P2RX5: variants seen among roughly 807,000 people sequenced by gnomAD.
P2RX5 encodes purinergic receptor P2X 5.
A neutral mutation model predicts 54.1 loss-of-function variants in P2RX5; 46 were observed. That is an observed-to-expected ratio of 0.85 (90% CI 0.67 to 1.09). The LOEUF is 1.09. Ranked by LOEUF, P2RX5 falls within the 50% of genes least tolerant of loss-of-function variation. The pLI, the probability that P2RX5 is intolerant of heterozygous loss-of-function variation, is 0.00. For missense variants in P2RX5, 566 were observed against 549.8 expected (o/e 1.03, Z -0.29); for synonymous variants, 226 against 226.4 (o/e 1.00, Z 0.02).
At chr17:3,695,470 G>T (rs946355157) in intron 1 of P2RX5, among the ~76,000 whole-genome samples, 2 of 152,080 alleles carry the variant, frequency 1.3e-5, no homozygotes, top group African/African-American at 4.8e-5. Flanking sequence ...CCGGCGCCTG[G>T]GTCAGCTGCC....
the P2RX5 span, chr17:3,720,353 T>C: frequency 6.3e-7 from 1 of 1,590,738 alleles, no homozygotes; most frequent in Non-Finnish European, 8.6e-7. Flanking sequence ...TAGAGATTTG[T>C]TGAAAGATAT....
At chr17:3,674,004 T>TC (rs1359409064) in intron 11 of P2RX5, 127 bp from the exon 12 acceptor site, 7 of 937,272 alleles carry the variant, frequency 7.5e-6, no homozygotes, top group Non-Finnish European at 1.2e-5. Flanking sequence ...GCTTCACTTC[T>TC]CCCCATTTAA....
In P2RX5 at chr17:3,681,841, A is replaced by G. The variant is rs368454045; in HGVS notation, c.1064+55T>C. ...CACATCAGGGCAAAGGCTCGAAGCC[A>G]CGGGGGTGCTCCACAGGGCTGCCCT... On this transcript the variant is annotated intron_variant, in intron 10 of 11. Coordinates refer to ENST00000225328, the MANE Select transcript of P2RX5 (RefSeq NM_002561.4). The G allele has an allele frequency of 2.4e-3, 2,882 of 1,194,560 alleles. 8 individuals are homozygous for G. Among genetic ancestry groups the G allele is most frequent in the Non-Finnish European group, 3.0e-3 (2,410 of 799,786 alleles). The allele number at this position is 1,194,560 out of a possible 1,614,324, so 74.0% of individuals were successfully genotyped here. A position where few individuals can be genotyped will look rare whatever the true frequency, so the allele number is the denominator to read the frequency against.
upstream of P2RX5, among the ~76,000 whole-genome samples, chr17:3,696,647 C>G (rs1025318539): frequency 6.6e-6 from 1 of 152,042 alleles, no homozygotes; most frequent in African/African-American, 2.4e-5. Context: ...ACCATGTTGG[C>G]CAGGCTGGTC....
chr17:3,721,391 C>A, the P2RX5 span, among the ~76,000 whole-genome samples: 1 of 149,926 alleles, frequency 6.7e-6, no homozygotes, highest in East Asian at 2.0e-4. Context: ...CCTGCCTCAG[C>A]CTCCCAAGTA....
At chr17:3,723,806 T>C in the P2RX5 span, 1 of 1,587,536 alleles carries the variant, frequency 6.3e-7, no homozygotes, top group Non-Finnish European at 8.6e-7. Context: ...TTCCGTCCCG[T>C]CCCGGCCCCG....
chr17:3,689,226 C>A (rs952689997), intron 7 of P2RX5, among the ~76,000 whole-genome samples: 1 of 150,246 alleles, frequency 6.7e-6, no homozygotes, highest in African/African-American at 2.4e-5. Flanking sequence ...CACCCTCGCC[C>A]GCTGCCACGG....
chr17:3,715,521 C>A, the P2RX5 span, among the ~76,000 whole-genome samples: 7 of 151,780 alleles, frequency 4.6e-5, no homozygotes, highest in Non-Finnish European at 1.0e-4. Flanking sequence ...CCTACGCGTA[C>A]GCAGAGGCAC....
At chr17:3,712,802 G>A in the P2RX5 span, among the ~76,000 whole-genome samples, 1 of 152,098 alleles carries the variant, frequency 6.6e-6, no homozygotes, top group Non-Finnish European at 1.5e-5. Context: ...AATTAGCTGG[G>A]CATGGTGGTG....
intron 1 of P2RX5, among the ~76,000 whole-genome samples, chr17:3,692,472 G>T (rs76033102): frequency 6.6e-6 from 1 of 152,240 alleles, no homozygotes; most frequent in East Asian, 1.9e-4. Context: ...CCTCCCTCTG[G>T]GGTTGTGATG....
At chr17:3,712,159 C>G in the P2RX5 span, among the ~76,000 whole-genome samples, 1 of 152,176 alleles carries the variant, frequency 6.6e-6, no homozygotes, top group African/African-American at 2.4e-5. Flanking sequence ...GTGTGTTTTC[C>G]CTCAAAGGCA....
chr17:3,683,211 A>G (rs1302773630), intron 9 of P2RX5, among the ~76,000 whole-genome samples: 1 of 152,016 alleles, frequency 6.6e-6, no homozygotes, highest in Non-Finnish European at 1.5e-5. Flanking sequence ...ATGATAGAGG[A>G]GAGTGGAGGT....
chr17:3,723,785 A>T, the P2RX5 span: 1 of 1,600,804 alleles, frequency 6.2e-7, no homozygotes, highest in South Asian at 1.1e-5. Context: ...GAACAAACCA[A>T]GCCGCCAGTT....
At chr17:3,713,061 A>G in the P2RX5 span, among the ~76,000 whole-genome samples, 1 of 152,234 alleles carries the variant, frequency 6.6e-6, no homozygotes, top group African/African-American at 2.4e-5. Context: ...TTCACACAGT[A>G]GCAACAAAAG....
chr17:3,720,967 C>T, the P2RX5 span, among the ~76,000 whole-genome samples: 1 of 152,288 alleles, frequency 6.6e-6, no homozygotes, highest in East Asian at 1.9e-4. Flanking sequence ...CTCGCTCTGT[C>T]ACCCATGCTG....
chr17:3,699,262 G>A (rs62072586), upstream of P2RX5, among the ~76,000 whole-genome samples: 3,339 of 152,156 alleles, frequency 0.022, 60 homozygotes, highest in Middle Eastern at 0.034. Flanking sequence ...GGATGTGGTC[G>A]TGCACACTTG....
chr17:3,690,250 G>T, intron 5 of P2RX5, 100 bp from the exon 6 acceptor site: 1 of 1,267,090 alleles, frequency 7.9e-7, no homozygotes, highest in Non-Finnish European at 1.2e-6. Context: ...GTCCCCTGGA[G>T]CCTCTGCCCA....
the P2RX5 span, chr17:3,723,786 G>C: frequency 4.5e-5 from 72 of 1,600,292 alleles, no homozygotes; most frequent in Non-Finnish European, 5.5e-5. Flanking sequence ...AACAAACCAA[G>C]CCGCCAGTTT....
the P2RX5 span, chr17:3,723,608 G>C: frequency 5.3e-3 from 7,452 of 1,417,242 alleles, 165 homozygotes; most frequent in South Asian, 0.053. Context: ...GGGTAACCCA[G>C]GAAAAACAGT....
Sources: gnomAD v4.1 joint callset for allele counts (sites outside exome capture counted in the v4.1 genomes callset) on GRCh38, gnomAD v4.1.1 for gene constraint, MANE v1.5 for transcripts, NCBI Gene and HGNC (gene_info 2026-07-23, HGNC 2026-07-21) for gene names.